The following BAZ2B variants were observed in gnomAD, a reference collection of about 807,000 sequenced individuals.
The protein encoded by BAZ2B is bromodomain adjacent to zinc finger domain 2B, also known as bromodomain adjacent to zinc finger domain protein 2B.
BAZ2B carries 91 observed loss-of-function variants against 246.0 expected under a neutral mutation model. The observed-to-expected ratio is 0.37, with a 90% CI of 0.31 to 0.44. The LOEUF (loss-of-function observed/expected upper bound fraction) is 0.44. Ranked by LOEUF, BAZ2B falls within the 20% of genes least tolerant of loss-of-function variation. The pLI, the probability that BAZ2B is intolerant of heterozygous loss-of-function variation, is 1.00. For missense variants in BAZ2B, 2,332 were observed against 2,533.7 expected (o/e 0.92, Z 1.71); for synonymous variants, 855 against 860.0 (o/e 0.99, Z 0.10).
At chr2:159,438,842 A>T in intron 7 of BAZ2B, 147 bp from the exon 8 acceptor site, 1 of 1,231,956 alleles carries the variant, frequency 8.1e-7, no homozygotes, top group Non-Finnish European at 1.1e-6. Context: ...TCGTAAAAGA[A>T]ATACCGTATG....
rs2072832014 is a variant in BAZ2B at position 159,438,596 on chromosome 2, C to T, written c.1000G>A (p.Glu334Lys). 2 of 1,614,034 alleles carry T rather than the reference C, an allele frequency of 1.2e-6. No homozygotes were observed. The highest frequency in any genetic ancestry group is 1.7e-6 in the Non-Finnish European group (2 of 1,180,030). Residue 334 changes from glutamate to lysine, a missense_variant, in exon 8 of 37, where the codon GAA becomes AAA. By Grantham distance (56) the Glu-to-Lys change is moderately conservative. This residue lies in a region of BAZ2B where 161 missense variants were observed against 225.8 expected (regional missense o/e 0.71). Transcript: ENST00000392783. Reference protein sequence around the residue: ...RIHQPLPLASESQTHSFQSQQ... With the variant: ...RIHQPLPLASKSQTHSFQSQQ... The stretch of plus-strand genomic sequence containing the variant: ...GATTGGAATGAGTGAGTCTGGGATT[C>T]AGACGCAAGAGGTAATGGCTGGTGT...
intron 18 of BAZ2B, chr2:159,398,237 A>T (rs2064374028): frequency 6.6e-6 from 1 of 151,870 alleles, no homozygotes; most frequent in Admixed American, 6.6e-5. Flanking sequence ...GAAGGGGACA[A>T]CTCTCCTATA....
Position 159,438,375 on chromosome 2 carries a change from A to G in BAZ2B, c.1221T>C (p.Asp407=). 6.2e-7 allele frequency: 1 copy of G among 1,614,194 alleles called. No individual in the cohort carries two copies. The highest frequency in any genetic ancestry group is 1.1e-5 in the South Asian group (1 of 91,084). Residue 407 remains aspartate, a synonymous_variant, in exon 8 of 37, where the codon GAT becomes GAC. Coordinates refer to ENST00000392783, the MANE Select transcript of BAZ2B (RefSeq NM_013450.4). ...TATTTTTATTCCCTGCTTTAAGAAC[A>G]TCAGGAGAAGGAACTATGAGTTTCA... ...TYMKLIVPSP[D]VLKAGNKNTS... is the part of the protein sequence containing the mutation.
At chr2:159,630,403 G>A in the BAZ2B span, among the ~76,000 whole-genome samples, 1 of 152,218 alleles carries the variant, frequency 6.6e-6, no homozygotes, top group Non-Finnish European at 1.5e-5. Flanking sequence ...TGTGAAGTTG[G>A]TGGCATAACC....
At chr2:159,575,219 C>T (rs1323420176) in intron 1 of BAZ2B, among the ~76,000 whole-genome samples, 1 of 151,984 alleles carries the variant, frequency 6.6e-6, no homozygotes, top group South Asian at 2.1e-4. Context: ...GAGTCCTATG[C>T]TTCTATGCTC....
the BAZ2B span, among the ~76,000 whole-genome samples, chr2:159,676,731 G>GTAGAT: frequency 2.7e-5 from 4 of 150,782 alleles, no homozygotes; most frequent in Non-Finnish European, 4.4e-5. Context: ...AAGACAGAAA[G>GTAGAT]TAGATTAGAA....
intron 31 of BAZ2B, among the ~76,000 whole-genome samples, chr2:159,346,550 CA>C: frequency 6.6e-6 from 1 of 152,124 alleles, no homozygotes; most frequent in Middle Eastern, 3.4e-3. Context: ...ACTAAAAATA[CA>C]AAAATTAGTG....
Position 159,324,894 on chromosome 2 carries a change from G to A in BAZ2B, c.6270C>T (p.Asn2090=). Residue 2090 remains asparagine, a synonymous_variant, in exon 36 of 37, where the codon AAC becomes AAT. Transcript: ENST00000392783. ...EDAWPFLLPV[N]LKLVPGYKKV... ...TCTTATAACCAGGAACAAGTTTCAA[G>A]TTTACAGGAAGTAGAAAAGGCCATG... 1 of 1,558,024 alleles carries A rather than the reference G, an allele frequency of 6.4e-7. No individual in the cohort carries two copies. Among genetic ancestry groups the A allele is most frequent in the Non-Finnish European group, 8.6e-7 (1 of 1,159,768 alleles).
chr2:159,418,953 C>T (rs2068245861), intron 13 of BAZ2B, among the ~76,000 whole-genome samples: 1 of 152,144 alleles, frequency 6.6e-6, no homozygotes, highest in African/African-American at 2.4e-5. Context: ...TGTTTTAAAT[C>T]TGGATTAAGG....
intron 27 of BAZ2B, among the ~76,000 whole-genome samples, chr2:159,355,373 T>C (rs2058991807): frequency 6.6e-6 from 1 of 152,150 alleles, no homozygotes; most frequent in Non-Finnish European, 1.5e-5. Context: ...ATCTTGAGAT[T>C]ATTGTGGAAG....
intron 32 of BAZ2B, among the ~76,000 whole-genome samples, 186 bp from the exon 33 acceptor site, chr2:159,337,263 A>T (rs913102112): frequency 3.3e-5 from 5 of 152,246 alleles, no homozygotes; most frequent in Non-Finnish European, 7.3e-5. Flanking sequence ...GCTTAGTCAC[A>T]ACCAGGTAGA....
At chr2:159,699,286 T>A in the BAZ2B span, among the ~76,000 whole-genome samples, 1 of 152,198 alleles carries the variant, frequency 6.6e-6, no homozygotes, top group African/African-American at 2.4e-5. Flanking sequence ...CTCAAGCTTA[T>A]AATCCCAACA....
chr2:159,667,803 G>A, the BAZ2B span, among the ~76,000 whole-genome samples: 1 of 151,914 alleles, frequency 6.6e-6, no homozygotes, highest in Admixed American at 6.6e-5. Context: ...ATAACTTGAA[G>A]TCTTGAAATC....
intron 2 of BAZ2B, among the ~76,000 whole-genome samples, chr2:159,490,971 T>C (rs2080389841): frequency 6.6e-6 from 1 of 152,158 alleles, no homozygotes. Flanking sequence ...CTAGAATGCA[T>C]GAAAACTTCC....
chr2:159,573,243 C>A (rs1462272515), intron 1 of BAZ2B, among the ~76,000 whole-genome samples: 1 of 152,156 alleles, frequency 6.6e-6, no homozygotes, highest in African/African-American at 2.4e-5. Flanking sequence ...GGAAGGCTCA[C>A]ACTTTCTGAT....
At chr2:159,669,751 CT>C in the BAZ2B span, among the ~76,000 whole-genome samples, 1 of 151,918 alleles carries the variant, frequency 6.6e-6, no homozygotes, top group Non-Finnish European at 1.5e-5. Context: ...TATTCATTTA[CT>C]TTCAATATAT....
the BAZ2B span, among the ~76,000 whole-genome samples, chr2:159,639,836 G>A: frequency 1.6e-4 from 24 of 152,120 alleles, no homozygotes; most frequent in African/African-American, 5.3e-4. Flanking sequence ...AGTGGCAGGA[G>A]TTAGTCCCTA....
chr2:159,623,483 G>A, the BAZ2B span, among the ~76,000 whole-genome samples: 1 of 152,260 alleles, frequency 6.6e-6, no homozygotes, highest in Non-Finnish European at 1.5e-5. Flanking sequence ...CATAGTAAGA[G>A]AAATGCACAT....
chr2:159,644,223 A>C, the BAZ2B span, among the ~76,000 whole-genome samples: 1 of 152,266 alleles, frequency 6.6e-6, no homozygotes. Flanking sequence ...TGCTTCAAAA[A>C]TACAATGGTG....
Sources: allele counts gnomAD v4.1 joint callset (sites outside exome capture counted in the v4.1 genomes callset), GRCh38; gene constraint gnomAD v4.1.1; regional missense constraint gnomAD v4.1.1; transcripts MANE v1.5; gene names NCBI Gene and HGNC (gene_info 2026-07-23, HGNC 2026-07-21).